ZRANB3: variants seen among roughly 807,000 people sequenced by gnomAD.
ZRANB3 encodes the protein zinc finger RANBP2-type containing 3.
A neutral mutation model predicts 133.8 loss-of-function variants in ZRANB3; 125 were observed. That is an observed-to-expected ratio of 0.93 (90% confidence interval 0.81 to 1.08). The LOEUF (loss-of-function observed/expected upper bound fraction) is 1.08, where lower values mean the gene tolerates loss of function less well. Among genes scored for constraint, ZRANB3 ranks in the 50% least tolerant of loss-of-function variants. The probability of loss-of-function intolerance (pLI) is 0.00; values close to 1 mark genes in which losing one functional copy is unlikely to be tolerated. For missense variants in ZRANB3, 1,229 were observed against 1,275.5 expected, an observed-to-expected ratio of 0.96 and a Z score of 0.56; for synonymous variants, 387 against 432.7, an observed-to-expected ratio of 0.89 and a Z score of 1.31.
At chr2:135,446,978 T>A (rs1690050610) in intron 2 of ZRANB3, among the ~76,000 whole-genome samples, 1 of 152,206 alleles carries the variant, frequency 6.6e-6, no homozygotes, top group South Asian at 2.1e-4. Flanking sequence ...CTTGGGTTGT[T>A]CTGTTTAATT....
chr2:135,460,292 T>G (rs965868228), intron 2 of ZRANB3, among the ~76,000 whole-genome samples: 12 of 151,806 alleles, frequency 7.9e-5, no homozygotes, highest in African/African-American at 2.4e-4. Flanking sequence ...TGGAGTTTCA[T>G]TCTGTCATCT....
At chr2:135,439,910 G>A (rs1689706493) in intron 2 of ZRANB3, among the ~76,000 whole-genome samples, 1 of 152,052 alleles carries the variant, frequency 6.6e-6, no homozygotes, top group Non-Finnish European at 1.5e-5. Context: ...TCTATCACCT[G>A]TACCTTTAAA....
chr2:135,323,427 T>C (rs569456049), intron 6 of ZRANB3, among the ~76,000 whole-genome samples: 6 of 152,222 alleles, frequency 3.9e-5, no homozygotes, highest in East Asian at 3.9e-4. Context: ...GGAGGATACA[T>C]TGAAAAACTG....
At chr2:135,320,574 C>T (rs1349174214) in intron 6 of ZRANB3, among the ~76,000 whole-genome samples, 4 of 152,114 alleles carry the variant, frequency 2.6e-5, no homozygotes, top group African/African-American at 9.7e-5. Context: ...AATAAACATA[C>T]GCCTTTTAAT....
At chr2:135,322,537 A>G (rs1683580528) in intron 6 of ZRANB3, among the ~76,000 whole-genome samples, 1 of 151,680 alleles carries the variant, frequency 6.6e-6, no homozygotes, top group Non-Finnish European at 1.5e-5. Flanking sequence ...GCAACATAGC[A>G]AGACCCAATC....
chr2:135,429,694 A>G (rs949789578), intron 2 of ZRANB3, among the ~76,000 whole-genome samples: 5 of 152,146 alleles, frequency 3.3e-5, no homozygotes, highest in African/African-American at 1.2e-4. Flanking sequence ...AAACTGGAAA[A>G]ACAAAAACTT....
At chr2:135,200,741 T>C (rs1573654717) in intron 20 of ZRANB3, among the ~76,000 whole-genome samples, 1 of 148,704 alleles carries the variant, frequency 6.7e-6, no homozygotes, top group Non-Finnish European at 1.5e-5. Context: ...GATTCTCCCA[T>C]CCAAGTGGGA....
At chr2:135,402,865 C>T (rs1687804374) in intron 2 of ZRANB3, among the ~76,000 whole-genome samples, 1 of 152,160 alleles carries the variant, frequency 6.6e-6, no homozygotes, top group African/African-American at 2.4e-5. Flanking sequence ...GGATTACAGG[C>T]ATGAACCACC....
At chr2:135,485,170 AAACAAAACAAAACAAAACAT>A (rs1223527469) in intron 2 of ZRANB3, among the ~76,000 whole-genome samples, 6 of 139,234 alleles carry the variant, frequency 4.3e-5, no homozygotes, top group African/African-American at 8.8e-5. Context: ...AAACAAAACA[AAACAAAACAAAACAAAACAT>A]AACATAACAT....
chr2:135,410,106 T>C (rs1688234635), intron 2 of ZRANB3, among the ~76,000 whole-genome samples: 1 of 152,218 alleles, frequency 6.6e-6, no homozygotes, highest in East Asian at 1.9e-4. Flanking sequence ...AAACTACCAA[T>C]GGCATTCTTC....
intron 15 of ZRANB3, among the ~76,000 whole-genome samples, chr2:135,223,865 A>C (rs777216644): frequency 6.6e-6 from 1 of 152,158 alleles, no homozygotes; most frequent in Non-Finnish European, 1.5e-5. Flanking sequence ...AGGCTTCTGT[A>C]AGGATGCTGC....
chr2:135,279,131 A>G (rs1680979856), intron 8 of ZRANB3, among the ~76,000 whole-genome samples: 1 of 152,182 alleles, frequency 6.6e-6, no homozygotes, highest in Non-Finnish European at 1.5e-5. Context: ...TTTGAGAAAT[A>G]AGGTTAGGGG....
chr2:135,306,099 T>C (rs1186075669), intron 8 of ZRANB3, among the ~76,000 whole-genome samples: 1 of 152,224 alleles, frequency 6.6e-6, no homozygotes, highest in Non-Finnish European at 1.5e-5. Context: ...TTGAGCTTCC[T>C]GTATCTGGAT....
intron 16 of ZRANB3, 146 bp from the exon 17 acceptor site, chr2:135,217,753 A>T: frequency 2.1e-6 from 2 of 943,870 alleles, no homozygotes; most frequent in Non-Finnish European, 1.5e-6. Flanking sequence ...GGCTTTCTTC[A>T]ATTTGATGCA....
chr2:135,349,981 T>C lies in ZRANB3; in HGVS notation c.591+3A>G. ...TAAGTTCGAAGTATAAGGATTGTAA[T>C]ACCTCTTCAGGCCTTCCTAAAGCTG... On this transcript the variant is annotated splice_donor_region_variant and intron_variant, in intron 5 of 20. Coordinates refer to ENST00000264159, the MANE Select transcript of ZRANB3 (RefSeq NM_032143.4). The C allele has an allele frequency of 1.2e-6, 2 of 1,612,774 alleles. No homozygotes were observed. The highest frequency in any genetic ancestry group is 1.1e-5 in the South Asian group (1 of 91,042).
intron 8 of ZRANB3, among the ~76,000 whole-genome samples, chr2:135,296,073 G>C (rs184843230): frequency 6.6e-6 from 1 of 152,060 alleles, no homozygotes; most frequent in Non-Finnish European, 1.5e-5. Flanking sequence ...TGCTGTTCTC[G>C]AGGAGCATCT....
At position 135,485,175 on chromosome 2, in the gene ZRANB3, A is replaced by AACAT. The variant is rs1559030652; in HGVS notation, c.161+19153_161+19154insATGT. ...AAACAAAACAAAACAAAACAAAACA[A>AACAT]AACAAAACAAAACATAACATAACAT... is the stretch of plus-strand genomic sequence containing the variant. On this transcript the variant is annotated intron_variant, in intron 2 of 20. Coordinates refer to ENST00000264159, the MANE Select transcript of ZRANB3 (RefSeq NM_032143.4). 4.1e-3 allele frequency among the ~76,000 whole-genome samples: 519 copies of AACAT among 127,086 alleles called. 2 individuals carry two copies. Among genetic ancestry groups the AACAT allele is most frequent in the South Asian group, 0.021 (68 of 3,284 alleles). The allele number at this position is 127,086 out of a possible 152,430, so 83.4% of individuals were successfully genotyped here. A position where few individuals can be genotyped will look rare whatever the true frequency, so the allele number is the denominator to read the frequency against.
intron 10 of ZRANB3, chr2:135,271,542 A>G (rs1326612873): frequency 3.4e-6 from 2 of 584,748 alleles, no homozygotes; most frequent in Non-Finnish European, 6.2e-6. Context: ...TTGAAAGTAT[A>G]TTCTTTCAAA....
At position 135,384,065 on chromosome 2, in the gene ZRANB3, TG is replaced by T. The variant is rs561617855; in HGVS notation, c.180+6736del. On this transcript the variant is annotated intron_variant, in intron 3 of 20. Transcript: ENST00000264159. Reference sequence around the variant, plus strand: ...TCAACGAATCCAGGAGCTGGTTTTTTGAAAAGATCAACAAAATTGATAGACC... The same window carrying T: ...TCAACGAATCCAGGAGCTGGTTTTTTAAAAGATCAACAAAATTGATAGACC... Among the ~76,000 whole-genome samples the T allele has an allele frequency of 3.0e-3, 452 of 152,210 alleles. 3 individuals are homozygous for T. Among genetic ancestry groups the T allele is most frequent in the African/African-American group, 0.01 (421 of 41,524 alleles).
Sources: gnomAD v4.1 joint callset for allele counts (sites outside exome capture counted in the v4.1 genomes callset) on GRCh38, gnomAD v4.1.1 for gene constraint, MANE v1.5 for transcripts, NCBI Gene and HGNC (gene_info 2026-07-23, HGNC 2026-07-21) for gene names.